METTL15: variants seen among roughly 807,000 people sequenced by gnomAD.
METTL15 encodes methyltransferase 15, mitochondrial 12S rRNA N4-cytidine.
METTL15 carries 34 observed loss-of-function variants against 38.3 expected under a neutral mutation model. That is an observed-to-expected ratio of 0.89 (90% confidence interval 0.68 to 1.18). METTL15 has a LOEUF of 1.18. Ranked by LOEUF, METTL15 falls within the 50% of genes most tolerant of loss-of-function variation. The pLI is 0.00. For synonymous variants in METTL15, 162 were observed against 170.9 expected (o/e 0.95, Z 0.41); for missense variants, 438 against 498.4 (o/e 0.88, Z 1.15).
chr11:28,199,549 T>G (rs1324423451), intron 3 of METTL15, among the ~76,000 whole-genome samples: 1 of 152,124 alleles, frequency 6.6e-6, no homozygotes, highest in Admixed American at 6.6e-5. Context: ...AGAATTTGCT[T>G]CTTGGCCAGT....
Position 28,526,047 on chromosome 11 carries a change from C to T in METTL15, c.*425-431C>T, listed in dbSNP as rs551868107. Reference sequence around the variant, plus strand: ...CCCTCTGCAGCTGCTGGCCCGGGTGCTAAGCACCTCACTGCCCAGGGCCAC... The same window carrying T: ...CCCTCTGCAGCTGCTGGCCCGGGTGTTAAGCACCTCACTGCCCAGGGCCAC... On this transcript the variant is annotated intron_variant and NMD_transcript_variant, in intron 6 of 7. Coordinates refer to the METTL15 transcript ENST00000532947. 6.6e-3 allele frequency among the ~76,000 whole-genome samples: 1,013 copies of T among 152,360 alleles called. 10 individuals are homozygous for T. The highest frequency in any genetic ancestry group is 0.023 in the African/African-American group (957 of 41,584).
chr11:28,373,067 G>A (rs1674925521), intron 5 of METTL15, among the ~76,000 whole-genome samples: 1 of 152,030 alleles, frequency 6.6e-6, no homozygotes, highest in South Asian at 2.1e-4. Context: ...GTGAAAAAGT[G>A]CCACAGTAAA....
At chr11:28,358,627 T>G (rs1449592470) in intron 4 of METTL15, among the ~76,000 whole-genome samples, 1 of 152,186 alleles carries the variant, frequency 6.6e-6, no homozygotes, top group Non-Finnish European at 1.5e-5. Context: ...ATTATGTAGT[T>G]TCATTGTAGT....
At chr11:28,320,769 T>C (rs1039048293) in intron 6 of METTL15, among the ~76,000 whole-genome samples, 1 of 152,188 alleles carries the variant, frequency 6.6e-6, no homozygotes, top group Non-Finnish European at 1.5e-5. Context: ...AGGTTTAGGC[T>C]GATGAAATTT....
chr11:28,199,961 C>G (rs1179463448), intron 3 of METTL15, among the ~76,000 whole-genome samples: 1 of 151,970 alleles, frequency 6.6e-6, no homozygotes, highest in Non-Finnish European at 1.5e-5. Flanking sequence ...TCAGGCTGGT[C>G]TCGAACTCCT....
chr11:28,244,301 A>G (rs1854423888), intron 4 of METTL15, among the ~76,000 whole-genome samples: 1 of 152,202 alleles, frequency 6.6e-6, no homozygotes, highest in South Asian at 2.1e-4. Flanking sequence ...CAAAAGAAAC[A>G]TTTATTGTAA....
chr11:28,437,474 T>G (rs913652010), intron 6 of METTL15, among the ~76,000 whole-genome samples: 1 of 152,202 alleles, frequency 6.6e-6, no homozygotes, highest in African/African-American at 2.4e-5. Flanking sequence ...ATCCTTCAAC[T>G]GGTCAGATGT....
At chr11:28,364,269 G>T (rs1850166945) in intron 5 of METTL15, among the ~76,000 whole-genome samples, 1 of 152,130 alleles carries the variant, frequency 6.6e-6, no homozygotes, top group African/African-American at 2.4e-5. Context: ...AATTACTTTG[G>T]ACAGTGTGGC....
chr11:28,391,603 G>A (rs536687979), intron 5 of METTL15, among the ~76,000 whole-genome samples: 1 of 152,220 alleles, frequency 6.6e-6, no homozygotes, highest in African/African-American at 2.4e-5. Flanking sequence ...CATGGTACTG[G>A]TACCAAAACA....
At chr11:28,208,268 T>C (rs1176588426) in intron 3 of METTL15, among the ~76,000 whole-genome samples, 1 of 152,034 alleles carries the variant, frequency 6.6e-6, no homozygotes, top group Admixed American at 6.6e-5. Context: ...TTTCCCTCTA[T>C]ACTCTGCTTT....
intron 6 of METTL15, among the ~76,000 whole-genome samples, chr11:28,308,034 G>A (rs1160589850): frequency 6.6e-6 from 1 of 151,862 alleles, no homozygotes; most frequent in Non-Finnish European, 1.5e-5. Flanking sequence ...TTTTGTTCTC[G>A]CTTTTGAATG....
At chr11:28,499,344 C>T (rs1216028518) in intron 6 of METTL15, among the ~76,000 whole-genome samples, 2 of 152,134 alleles carry the variant, frequency 1.3e-5, no homozygotes, top group Non-Finnish European at 2.9e-5. Flanking sequence ...TTATAACATC[C>T]AGGTATGACA....
intron 6 of METTL15, among the ~76,000 whole-genome samples, chr11:28,444,325 A>C (rs1851058298): frequency 6.6e-6 from 1 of 152,184 alleles, no homozygotes; most frequent in Admixed American, 6.5e-5. Flanking sequence ...CTAACAACAA[A>C]ATCATTTATA....
chr11:28,459,075 T>C (rs987640961), intron 6 of METTL15, among the ~76,000 whole-genome samples: 2 of 152,146 alleles, frequency 1.3e-5, no homozygotes, highest in Non-Finnish European at 2.9e-5. Context: ...ATCTCTAACT[T>C]TTTCTTCTAC....
chr11:28,485,758 C>A (rs1002148755), intron 6 of METTL15, among the ~76,000 whole-genome samples: 1 of 152,148 alleles, frequency 6.6e-6, no homozygotes, highest in African/African-American at 2.4e-5. Flanking sequence ...TACTGGGTGG[C>A]TTACACAACA....
At chr11:28,350,710 T>C (rs1850033232) in intron 3 of METTL15, among the ~76,000 whole-genome samples, 1 of 152,210 alleles carries the variant, frequency 6.6e-6, no homozygotes. Flanking sequence ...AAGGGATAAA[T>C]ATAATTCAAA....
chr11:28,210,451 T>G (rs1852583123), intron 3 of METTL15, among the ~76,000 whole-genome samples: 1 of 151,944 alleles, frequency 6.6e-6, no homozygotes, highest in Admixed American at 6.6e-5. Flanking sequence ...GTGTCAAACC[T>G]AGAGTTTACC....
chr11:28,297,227 A>C (rs770317649), intron 6 of METTL15, among the ~76,000 whole-genome samples: 1 of 152,092 alleles, frequency 6.6e-6, no homozygotes, highest in African/African-American at 2.4e-5. Context: ...TTTACACAGG[A>C]TAATTTATCA....
intron 5 of METTL15, among the ~76,000 whole-genome samples, chr11:28,383,546 C>T (rs926618963): frequency 6.6e-6 from 1 of 152,112 alleles, no homozygotes; most frequent in Non-Finnish European, 1.5e-5. Flanking sequence ...TGCCACACTG[C>T]TTTTTACAAT....
Sources: allele counts gnomAD v4.1 joint callset (sites outside exome capture counted in the v4.1 genomes callset), GRCh38; gene constraint gnomAD v4.1.1; transcripts MANE v1.5; gene names NCBI Gene and HGNC (gene_info 2026-07-23, HGNC 2026-07-21).